The following ZNF362 variants were observed in gnomAD, a reference collection of about 807,000 sequenced individuals.
ZNF362 encodes the protein zinc finger protein 362.
ZNF362 carries 11 observed loss-of-function variants against 42.9 expected under a neutral mutation model. The observed-to-expected ratio is 0.26, with a 90% confidence interval of 0.16 to 0.42. ZNF362 has a LOEUF of 0.42. Ranked by LOEUF, ZNF362 falls within the 20% of genes least tolerant of loss-of-function variation. The probability of loss-of-function intolerance (pLI) is 1.00; values close to 1 mark genes in which losing one functional copy is unlikely to be tolerated. For missense variants in ZNF362, 362 were observed against 576.2 expected (o/e 0.63, Z 3.81); for synonymous variants, 255 against 257.3 (o/e 0.99, Z 0.09).
At chr1:33,219,065 C>G in the ZNF362 span, among the ~76,000 whole-genome samples, 1 of 152,042 alleles carries the variant, frequency 6.6e-6, no homozygotes, top group African/African-American at 2.4e-5. Context: ...GGGCCCCAAA[C>G]ACAAATTATT....
chr1:33,181,533 G>A, the ZNF362 span: 747 of 1,446,158 alleles, frequency 5.2e-4, 7 homozygotes, highest in African/African-American at 1.0e-2. The surrounding 1 kb of genome is among the most constrained non-coding windows in gnomAD (Gnocchi z 6.5). Context: ...GCGGGGACGA[G>A]GCCCGCACAG....
the ZNF362 span, among the ~76,000 whole-genome samples, chr1:33,232,290 G>A: frequency 6.6e-6 from 1 of 151,702 alleles, no homozygotes; most frequent in Non-Finnish European, 1.5e-5. Flanking sequence ...TCTGAGACAG[G>A]GTCTCACTCT....
the ZNF362 span, among the ~76,000 whole-genome samples, chr1:33,185,711 C>G: frequency 6.6e-6 from 1 of 152,188 alleles, no homozygotes; most frequent in South Asian, 2.1e-4. Flanking sequence ...ACTTAGAGAT[C>G]CTGACTGCAG....
At chr1:33,279,492 A>T (rs1388807995) in intron 4 of ZNF362, among the ~76,000 whole-genome samples, 4 of 151,482 alleles carry the variant, frequency 2.6e-5, no homozygotes, top group African/African-American at 9.7e-5. Flanking sequence ...TTTTTTTTTA[A>T]AAAAACATAG....
At chr1:33,269,199 GC>G (rs1239040462) in intron 1 of ZNF362, among the ~76,000 whole-genome samples, 1 of 152,184 alleles carries the variant, frequency 6.6e-6, no homozygotes, top group East Asian at 1.9e-4. Flanking sequence ...ACCTCCCCCT[GC>G]CCCATGCCTC....
At chr1:33,285,495 A>G (rs1646025784) in intron 6 of ZNF362, among the ~76,000 whole-genome samples, 1 of 152,084 alleles carries the variant, frequency 6.6e-6, no homozygotes, top group African/African-American at 2.4e-5. Flanking sequence ...CATTATCACT[A>G]ATTGTTTAGG....
At chr1:33,165,190 A>G in the ZNF362 span, 65 of 331,518 alleles carry the variant, frequency 2.0e-4, no homozygotes, top group African/African-American at 1.1e-3. The surrounding 1 kb of genome is among the most constrained non-coding windows in gnomAD (Gnocchi z 4.0). Context: ...ACCCGCCTCA[A>G]CTTCCACCCA....
the ZNF362 span, among the ~76,000 whole-genome samples, chr1:33,167,163 C>T: frequency 6.6e-6 from 1 of 152,212 alleles, no homozygotes; most frequent in East Asian, 1.9e-4. The surrounding 1 kb of genome is among the most constrained non-coding windows in gnomAD (Gnocchi z 4.2). Flanking sequence ...CAGATGCCAC[C>T]TCCTTGAAGA....
the ZNF362 span, among the ~76,000 whole-genome samples, chr1:33,210,998 A>G: frequency 6.6e-6 from 1 of 151,528 alleles, no homozygotes; most frequent in Non-Finnish European, 1.5e-5. Context: ...CAGTGGCACA[A>G]TCCTGGCTCA....
At chr1:33,245,610 G>A in the ZNF362 span, among the ~76,000 whole-genome samples, 1 of 152,130 alleles carries the variant, frequency 6.6e-6, no homozygotes, top group Admixed American at 6.5e-5. Context: ...GCATACAACT[G>A]TGAACAAAAA....
At chr1:33,232,541 G>A in the ZNF362 span, among the ~76,000 whole-genome samples, 16 of 152,278 alleles carry the variant, frequency 1.1e-4, no homozygotes, top group Admixed American at 2.6e-4. Flanking sequence ...GATTACAGGC[G>A]TGAGCCACCG....
At chr1:33,205,349 G>A in the ZNF362 span, among the ~76,000 whole-genome samples, 1 of 152,024 alleles carries the variant, frequency 6.6e-6, no homozygotes, top group African/African-American at 2.4e-5. Flanking sequence ...GCCAGGCATG[G>A]TGGTGCACGC....
At chr1:33,167,141 A>G in the ZNF362 span, among the ~76,000 whole-genome samples, 43 of 152,238 alleles carry the variant, frequency 2.8e-4, no homozygotes, top group Non-Finnish European at 4.0e-4. The surrounding 1 kb of genome is among the most constrained non-coding windows in gnomAD (Gnocchi z 4.2). Context: ...CCTTTGTACC[A>G]TTAATTTAAC....
the ZNF362 span, chr1:33,145,851 A>T: frequency 2.1e-6 from 1 of 470,826 alleles, no homozygotes; most frequent in East Asian, 6.9e-5. Context: ...ACCCACCCTA[A>T]CTTCCTTCTA....
At chr1:33,166,940 A>G in the ZNF362 span, among the ~76,000 whole-genome samples, 2 of 152,076 alleles carry the variant, frequency 1.3e-5, no homozygotes, top group South Asian at 2.1e-4. Context: ...AATACTATTC[A>G]TCTTGATTGC....
the ZNF362 span, among the ~76,000 whole-genome samples, chr1:33,243,866 C>A: frequency 1.2e-4 from 18 of 151,878 alleles, no homozygotes; most frequent in Admixed American, 6.6e-4. Context: ...CCTCGGCCTC[C>A]TTTGCAAAGT....
At chr1:33,242,313 A>G in the ZNF362 span, among the ~76,000 whole-genome samples, 1 of 152,166 alleles carries the variant, frequency 6.6e-6, no homozygotes. Context: ...GTAAAGGGAC[A>G]GTACAGTGAC....
intron 4 of ZNF362, among the ~76,000 whole-genome samples, chr1:33,279,226 C>T (rs761188089): frequency 2.6e-5 from 4 of 152,014 alleles, no homozygotes; most frequent in South Asian, 2.1e-4. Flanking sequence ...GGTTTTGCCA[C>T]GTTGCCCAGG....
the ZNF362 span, among the ~76,000 whole-genome samples, chr1:33,238,165 A>G: frequency 6.6e-6 from 1 of 151,836 alleles, no homozygotes; most frequent in Non-Finnish European, 1.5e-5. Context: ...GAAAATACAA[A>G]AAAATTAGCC....
Sources: allele counts gnomAD v4.1 joint callset (sites outside exome capture counted in the v4.1 genomes callset), GRCh38; gene constraint gnomAD v4.1.1; non-coding constraint Gnocchi (gnomAD v3.1); transcripts MANE v1.5; gene names NCBI Gene and HGNC (gene_info 2026-07-23, HGNC 2026-07-21).